The following SPIDR variants were observed in gnomAD, a reference collection of about 807,000 sequenced individuals.
The protein encoded by SPIDR is DNA repair-scaffolding protein.
A neutral mutation model predicts 104.6 loss-of-function variants in SPIDR; 93 were observed. The observed-to-expected ratio is 0.89, with a 90% CI of 0.75 to 1.06. The LOEUF is 1.06. SPIDR is among the 50% of genes least tolerant of loss of function. The probability of loss-of-function intolerance (pLI) is 0.00; values close to 1 mark genes in which losing one functional copy is unlikely to be tolerated. For missense variants in SPIDR, 1,154 were observed against 1,111.2 expected (o/e 1.04, Z -0.55); for synonymous variants, 431 against 416.9 (o/e 1.03, Z -0.41).
At chr8:47,300,984 T>A (rs1563531203) in intron 5 of SPIDR, among the ~76,000 whole-genome samples, 1 of 152,186 alleles carries the variant, frequency 6.6e-6, no homozygotes, top group Non-Finnish European at 1.5e-5. Context: ...AGAGCTGAGT[T>A]CAGTGCCTGG....
intron 11 of SPIDR, among the ~76,000 whole-genome samples, chr8:47,678,099 C>T (rs1276740223): frequency 2.6e-5 from 4 of 152,040 alleles, no homozygotes; most frequent in Admixed American, 1.3e-4. Flanking sequence ...TATTTAGTCC[C>T]TGTTTGTACT....
At chr8:47,483,474 C>T (rs953161720) in intron 8 of SPIDR, among the ~76,000 whole-genome samples, 3 of 152,276 alleles carry the variant, frequency 2.0e-5, no homozygotes, top group Non-Finnish European at 4.4e-5. Flanking sequence ...AGTCATTTCC[C>T]TCTGCTGCCC....
intron 8 of SPIDR, among the ~76,000 whole-genome samples, chr8:47,594,299 T>C (rs4873399): frequency 0.5 from 75,842 of 150,686 alleles, 20,848 homozygotes; most frequent in East Asian, 0.64. Flanking sequence ...CACTTGAACT[T>C]GGGAGGCAGA....
At chr8:47,660,726 G>T (rs1390092041) in intron 10 of SPIDR, among the ~76,000 whole-genome samples, 1 of 152,128 alleles carries the variant, frequency 6.6e-6, no homozygotes, top group Non-Finnish European at 1.5e-5. Context: ...TCATAAGGCC[G>T]CATCTATGTG....
At chr8:47,513,217 C>T (rs981887580) in intron 8 of SPIDR, among the ~76,000 whole-genome samples, 2 of 152,222 alleles carry the variant, frequency 1.3e-5, no homozygotes, top group Non-Finnish European at 1.5e-5. Flanking sequence ...TATTTCTGTA[C>T]ATTACTGCTC....
chr8:47,474,767 CAG>C (rs1554722847), intron 8 of SPIDR, among the ~76,000 whole-genome samples: 2 of 152,212 alleles, frequency 1.3e-5, no homozygotes, highest in South Asian at 2.1e-4. Flanking sequence ...CAGTCCAACA[CAG>C]AGTTAATTTA....
rs1360407507 is a variant in SPIDR, at chr8:47,433,119, G to T, written c.878-7204G>T. On this transcript the variant is annotated intron_variant, in intron 7 of 19. Transcript: ENST00000297423. ...ATTCTTGCTCAGGCCAAACCCACTGGAGTCATTCTTGTACTCTGTCTCATA... is the reference window on the plus strand; with the variant it reads ...ATTCTTGCTCAGGCCAAACCCACTGTAGTCATTCTTGTACTCTGTCTCATA... 2.0e-5 allele frequency among the ~76,000 whole-genome samples: 3 copies of T among 152,038 alleles called. No individual in the cohort carries two copies. In the East Asian group the frequency reaches 5.8e-4, roughly 29 times the overall value.
At chr8:47,709,803 G>A (rs923962449) in intron 14 of SPIDR, among the ~76,000 whole-genome samples, 1 of 151,876 alleles carries the variant, frequency 6.6e-6, no homozygotes, top group African/African-American at 2.4e-5. Context: ...ATTTACAAAA[G>A]CATCTAAAAT....
intron 11 of SPIDR, among the ~76,000 whole-genome samples, chr8:47,680,404 C>T (rs1438636597): frequency 4.6e-5 from 7 of 152,132 alleles, no homozygotes; most frequent in Non-Finnish European, 1.0e-4. Context: ...TTCAGTCTCC[C>T]GCAGAGCCCA....
At chr8:47,487,629 T>A (rs143356987) in intron 8 of SPIDR, among the ~76,000 whole-genome samples, 12,986 of 152,082 alleles carry the variant, frequency 0.085, 753 homozygotes, top group Non-Finnish European at 0.13. Context: ...AGCAAATGTA[T>A]AAGAACAGAA....
chr8:47,613,594 C>A (rs916429225), intron 10 of SPIDR, among the ~76,000 whole-genome samples: 1 of 152,268 alleles, frequency 6.6e-6, no homozygotes, highest in Non-Finnish European at 1.5e-5. Flanking sequence ...ACAGTGGCTA[C>A]ATCATTTTAA....
intron 16 of SPIDR, among the ~76,000 whole-genome samples, chr8:47,725,538 C>T (rs1338711940): frequency 5.9e-5 from 9 of 152,202 alleles, no homozygotes; most frequent in Non-Finnish European, 1.3e-4. Context: ...ACTACAGGCG[C>T]GTGCCACCAC....
chr8:47,436,990 T>C (rs1350794946), intron 7 of SPIDR, among the ~76,000 whole-genome samples: 1 of 152,246 alleles, frequency 6.6e-6, no homozygotes, highest in Non-Finnish European at 1.5e-5. Context: ...TGTGCAGCAC[T>C]GCAGTGATAG....
At chr8:47,372,324 G>T (rs1432280308) in intron 5 of SPIDR, among the ~76,000 whole-genome samples, 1 of 152,212 alleles carries the variant, frequency 6.6e-6, no homozygotes, top group East Asian at 1.9e-4. Flanking sequence ...TCTTTGCATA[G>T]CCGGTGCTAG....
At chr8:47,646,889 G>A (rs776777411) in intron 10 of SPIDR, among the ~76,000 whole-genome samples, 4 of 152,070 alleles carry the variant, frequency 2.6e-5, no homozygotes, top group South Asian at 2.1e-4. Context: ...ATGTTTAGAC[G>A]TTATATATAT....
chr8:47,376,901 A>G (rs1404505747), intron 5 of SPIDR, among the ~76,000 whole-genome samples: 1 of 152,106 alleles, frequency 6.6e-6, no homozygotes, highest in African/African-American at 2.4e-5. Flanking sequence ...AATCTGGCCT[A>G]TCACCTGTCT....
At chr8:47,682,017 G>T (rs2077154068) in intron 11 of SPIDR, among the ~76,000 whole-genome samples, 1 of 151,958 alleles carries the variant, frequency 6.6e-6, no homozygotes, top group South Asian at 2.1e-4. Context: ...TAGACCAGAA[G>T]AATATGGGAT....
At chr8:47,397,614 T>C (rs2061387490) in intron 6 of SPIDR, among the ~76,000 whole-genome samples, 1 of 152,128 alleles carries the variant, frequency 6.6e-6, no homozygotes, top group African/African-American at 2.4e-5. Flanking sequence ...AATATGATCA[T>C]GAAGAGCGTA....
At chr8:47,415,756 G>A (rs935857006) in intron 7 of SPIDR, among the ~76,000 whole-genome samples, 6 of 152,116 alleles carry the variant, frequency 3.9e-5, no homozygotes, top group African/African-American at 1.2e-4. Flanking sequence ...CTGTTGCTTC[G>A]AAGCCACACA....
Sources: gnomAD v4.1 joint callset for allele counts (sites outside exome capture counted in the v4.1 genomes callset) on GRCh38, gnomAD v4.1.1 for gene constraint, MANE v1.5 for transcripts, NCBI Gene and HGNC (gene_info 2026-07-23, HGNC 2026-07-21) for gene names.